The following EHD3 variants were observed in gnomAD, a reference collection of about 807,000 sequenced individuals.
EHD3 encodes the protein EH domain-containing protein 3.
A neutral mutation model predicts 43.0 loss-of-function variants in EHD3; 17 were observed. The ratio of observed to expected loss-of-function variants is 0.40; its 90% confidence interval spans 0.27 to 0.59. The LOEUF (loss-of-function observed/expected upper bound fraction) is 0.59. Among genes scored for constraint, EHD3 ranks in the 20% least tolerant of loss-of-function variants. The pLI is 0.49. For synonymous variants in EHD3, 313 were observed against 289.5 expected, an observed-to-expected ratio of 1.08 and a Z score of -0.82; for missense variants, 594 against 705.6, an observed-to-expected ratio of 0.84 and a Z score of 1.79.
At chr2:31,262,808 G>A (rs562229747) in intron 5 of EHD3, among the ~76,000 whole-genome samples, 122 of 152,298 alleles carry the variant, frequency 8.0e-4, no homozygotes, top group African/African-American at 2.7e-3. Flanking sequence ...CCAGCTACTC[G>A]GGAGGCTGAG....
chr2:31,240,726 G>A (rs1474241051), intron 1 of EHD3, among the ~76,000 whole-genome samples: 2 of 152,242 alleles, frequency 1.3e-5, no homozygotes, highest in Non-Finnish European at 2.9e-5. Flanking sequence ...TGAGACGCCT[G>A]TGTGAGAAGG....
In EHD3 at chr2:31,266,329, C is replaced by T. The variant is rs147861772; in HGVS notation, c.1233C>T (p.Gly411=). The stretch of plus-strand genomic sequence containing the variant: ...AGCGGCCCATCCAGATGGTGAAGGG[C>T]GGAGCGTTCGAGGGCACCCTGCACG... The part of the protein sequence containing the change: ...ESQRPIQMVK[G]GAFEGTLHGP... Residue 411 remains glycine, a synonymous_variant, in exon 6 of 6, where the codon GGC becomes GGT. Coordinates refer to ENST00000322054, the MANE Select transcript of EHD3 (RefSeq NM_014600.3). This position sits in a 1 kb window ranked among gnomAD's most constrained non-coding sequence, Gnocchi z 5.1. 323 of 1,614,008 alleles carry T rather than the reference C, an allele frequency of 2.0e-4. No homozygotes were observed. The highest frequency in any genetic ancestry group is 1.6e-4 in the Middle Eastern group (1 of 6,084).
At chr2:31,249,631 CG>C (rs778550112) in intron 3 of EHD3, among the ~76,000 whole-genome samples, 163 bp downstream of exon 3, 1 of 152,060 alleles carries the variant, frequency 6.6e-6, no homozygotes, top group African/African-American at 2.4e-5. Context: ...AGTCCTAGGC[CG>C]GGGTTGGCAG....
chr2:31,244,562 G>A, intron 2 of EHD3, 112 bp downstream of exon 2: 1 of 1,196,562 alleles, frequency 8.4e-7, no homozygotes, highest in South Asian at 1.6e-5. Flanking sequence ...AGAGTCTCCT[G>A]TCAATCTTTC....
chr2:31,264,544 T>G (rs1683908524), intron 5 of EHD3, among the ~76,000 whole-genome samples: 1 of 148,378 alleles, frequency 6.7e-6, no homozygotes. Flanking sequence ...TTTTTTTTTT[T>G]TTTTTTTTTG....
intron 2 of EHD3, among the ~76,000 whole-genome samples, chr2:31,248,338 A>C (rs1435548214): frequency 6.6e-6 from 1 of 152,158 alleles, no homozygotes; most frequent in Non-Finnish European, 1.5e-5. Flanking sequence ...CTCCTCCTCC[A>C]GGAAGCCCTC....
At position 31,243,448 on chromosome 2, in the gene EHD3, C is replaced by CT. The variant is rs1310045883; in HGVS notation, c.228-823dup. Among the ~76,000 whole-genome samples the CT allele has an allele frequency of 2.4e-3, 158 of 67,034 alleles. 27 individuals are homozygous for CT. The highest frequency in any genetic ancestry group is 7.2e-3 in the South Asian group (9 of 1,248). The allele number at this position is 67,034 out of a possible 152,430, so 44.0% of individuals were successfully genotyped here. A position where few individuals can be genotyped will look rare whatever the true frequency, so the allele number is the denominator to read the frequency against. On this transcript the variant is annotated intron_variant, in intron 1 of 5. Transcript: ENST00000322054. ...TCTTTCTTTCTTTCTTTCTTTCTTT[C>CT]TTTCTTTCTTTCTTTTTTTTTTTTT...
chr2:31,246,302 G>A (rs981270795), intron 2 of EHD3, among the ~76,000 whole-genome samples: 11 of 152,104 alleles, frequency 7.2e-5, no homozygotes, highest in African/African-American at 2.2e-4. Context: ...AGAATGAGTC[G>A]CTGGAGCTGA....
At chr2:31,241,272 C>G (rs1445499011) in intron 1 of EHD3, among the ~76,000 whole-genome samples, 1 of 152,152 alleles carries the variant, frequency 6.6e-6, no homozygotes, top group Non-Finnish European at 1.5e-5. Context: ...TAAAAGGGAG[C>G]TCAACCCTTT....
At position 31,234,866 on chromosome 2, in the gene EHD3, C is replaced by T. The variant is rs768151489; in HGVS notation, c.227+18C>T. 1 of 1,613,040 alleles carries T rather than the reference C, an allele frequency of 6.2e-7. No homozygotes were observed. Among genetic ancestry groups the T allele is most frequent in the South Asian group, 1.1e-5 (1 of 91,048 alleles). On this transcript the variant is annotated intron_variant, in intron 1 of 5. Coordinates refer to ENST00000322054, the MANE Select transcript of EHD3 (RefSeq NM_014600.3). ...TTCATCAGGTGAGCCGGCCCAGGGT[C>T]CTGGCAGCCCACCCCGGAGCCCAGC...
At position 31,266,856 on chromosome 2, in the gene EHD3, G is replaced by T; in HGVS notation, c.*152G>T. The T allele has an allele frequency of 1.5e-5, 16 of 1,041,520 alleles. No individual in the cohort carries two copies. Among genetic ancestry groups the T allele is most frequent in the Non-Finnish European group, 2.1e-5 (16 of 746,336 alleles). 64.5% of individuals were successfully genotyped at this position (1,041,520 alleles called of 1,614,324 possible). On this transcript the variant is annotated 3_prime_UTR_variant, in exon 6 of 6. Coordinates refer to ENST00000322054, the MANE Select transcript of EHD3 (RefSeq NM_014600.3). The surrounding 1 kb of genome is among the most constrained non-coding windows in gnomAD (Gnocchi z 5.1). ...TCTGTAGGTGAGAGAGGACCATGAC[G>T]CCCATGTTTGCAGCTGATACTTGTT...
At chr2:31,235,468 C>A (rs1412430590) in intron 1 of EHD3, among the ~76,000 whole-genome samples, 1 of 151,938 alleles carries the variant, frequency 6.6e-6, no homozygotes, top group Non-Finnish European at 1.5e-5. Context: ...TCCCCTTTCT[C>A]TTATTTGATC....
intron 5 of EHD3, among the ~76,000 whole-genome samples, chr2:31,262,982 C>T (rs189082210): frequency 4.1e-4 from 62 of 152,324 alleles, no homozygotes; most frequent in Non-Finnish European, 7.2e-4. Context: ...TTAATAGATG[C>T]TGTTGCTCTT....
In EHD3 at chr2:31,234,562, T is replaced by C; in HGVS notation, c.-60T>C. 6.3e-7 allele frequency: 1 copy of C among 1,584,298 alleles called. No individual in the cohort carries two copies. The highest frequency in any genetic ancestry group is 8.6e-7 in the Non-Finnish European group (1 of 1,160,870). Reference sequence around the variant, plus strand: ...CCCGGCGGACCGGTCCTACGGGACATCTTCCCCTGAGGAGGAGTCTTCCCC... The same window carrying C: ...CCCGGCGGACCGGTCCTACGGGACACCTTCCCCTGAGGAGGAGTCTTCCCC... On this transcript the variant is annotated 5_prime_UTR_variant, in exon 1 of 6. Coordinates refer to ENST00000322054, the MANE Select transcript of EHD3 (RefSeq NM_014600.3).
Position 31,260,424 on chromosome 2 carries a change from G to A in EHD3, c.503-86G>A, listed in dbSNP as rs1683829005. On this transcript the variant is annotated intron_variant, in intron 3 of 5. Transcript: ENST00000322054. This position sits in a 1 kb window ranked among gnomAD's most constrained non-coding sequence, Gnocchi z 4.6. ...ACTTAGATCTGACTCCCAAGACTGT[G>A]TTATTTCTACCACACCCGACTGCTT... 5.1e-6 allele frequency: 7 copies of A among 1,377,990 alleles called. No homozygotes were observed. In the South Asian group the frequency reaches 8.7e-5, roughly 17 times the overall value. The allele number at this position is 1,377,990 out of a possible 1,614,324, so 85.4% of individuals were successfully genotyped here.
chr2:31,245,860 C>T (rs112964852), intron 2 of EHD3, among the ~76,000 whole-genome samples: 3,114 of 150,030 alleles, frequency 0.021, 116 homozygotes, highest in African/African-American at 0.073. Flanking sequence ...GGATTACAGG[C>T]GTGAGCCACC....
intron 2 of EHD3, among the ~76,000 whole-genome samples, chr2:31,245,555 T>TA (rs1572464416): frequency 4.2e-3 from 138 of 32,918 alleles, no homozygotes; most frequent in Admixed American, 6.0e-3. Flanking sequence ...ATATATATAT[T>TA]TTTTTTTTTT....
At chr2:31,241,002 C>T (rs1340924715) in intron 1 of EHD3, among the ~76,000 whole-genome samples, 1 of 152,134 alleles carries the variant, frequency 6.6e-6, no homozygotes, top group Non-Finnish European at 1.5e-5. Flanking sequence ...TAATCTTGGC[C>T]GACTGTTTGT....
At chr2:31,238,928 C>G (rs1402696352) in intron 1 of EHD3, among the ~76,000 whole-genome samples, 3 of 152,140 alleles carry the variant, frequency 2.0e-5, no homozygotes, top group Non-Finnish European at 4.4e-5. Flanking sequence ...CTTGGGGAGG[C>G]TGGGCTGGTC....
Sources: gnomAD v4.1 joint callset for allele counts (sites outside exome capture counted in the v4.1 genomes callset) on GRCh38, gnomAD v4.1.1 for gene constraint, Gnocchi (gnomAD v3.1) non-coding constraint, MANE v1.5 for transcripts, NCBI Gene and HGNC (gene_info 2026-07-23, HGNC 2026-07-21) for gene names.